DISP2: variants seen among roughly 807,000 people sequenced by gnomAD.
DISP2 encodes protein dispatched homolog 2.
A neutral mutation model predicts 95.5 loss-of-function variants in DISP2; 59 were observed. The observed-to-expected ratio is 0.62, with a 90% confidence interval of 0.50 to 0.77. DISP2 has a LOEUF of 0.77. DISP2 is among the 30% of genes least tolerant of loss of function. The pLI is 0.00. For missense variants in DISP2, 1,752 were observed against 1,854.6 expected (o/e 0.94, Z 1.02); for synonymous variants, 827 against 815.0 (o/e 1.01, Z -0.25).
chr15:40,366,839 C>G (rs1889503975), intron 7 of DISP2, among the ~76,000 whole-genome samples: 1 of 152,200 alleles, frequency 6.6e-6, no homozygotes, highest in African/African-American at 2.4e-5. Context: ...TGGGCAGCAT[C>G]CCTGAGGCTC....
In DISP2 at chr15:40,373,418, T is replaced by C. The variant is rs1332584648; in HGVS notation, c.*3100T>C. On this transcript the variant is annotated 3_prime_UTR_variant, in exon 8 of 8. Transcript: ENST00000267889. ...ATCCTGTATGCTATTAAAATATAAC[T>C]TGAGGCCGGACATGATGGCTCATGC... 1 of 152,206 alleles carries C rather than the reference T, an allele frequency of 6.6e-6. No individual in the cohort carries two copies. The highest frequency in any genetic ancestry group is 1.9e-4 in the East Asian group (1 of 5,208). The allele number at this position is 152,206 out of a possible 1,614,324, so 9.4% of individuals were successfully genotyped here. A position where few individuals can be genotyped will look rare whatever the true frequency, so the allele number is the denominator to read the frequency against.
Position 40,364,853 on chromosome 15 carries a change from GAC to G in DISP2, c.623_624del (p.Thr208ArgfsTer29). 6.2e-7 allele frequency: 1 copy of G among 1,614,096 alleles called. No individual in the cohort carries two copies. Among genetic ancestry groups the G allele is most frequent in the Non-Finnish European group, 8.5e-7 (1 of 1,179,988 alleles). On this transcript the variant is annotated frameshift_variant, in exon 5 of 8. Transcript: ENST00000267889. LOFTEE classifies it high-confidence loss of function. Reference sequence around the variant, plus strand: ...CTCCCTGCAGGGCTTTGAGCCACGGGACACAGACATTGGGAGCAAGTTAGTGG... The same window carrying G: ...CTCCCTGCAGGGCTTTGAGCCACGGGACAGACATTGGGAGCAAGTTAGTGG... ...SKPLLGFEPR[D>X]TDIGSKLVVW...
Position 40,369,029 on chromosome 15 carries a change from G to C in DISP2, c.2917G>C (p.Ala973Pro). Residue 973 changes from alanine to proline, a missense_variant, in exon 8 of 8, where the codon GCG (alanine) becomes CCG (proline). By Grantham distance (27) the Ala-to-Pro change is conservative. Transcript: ENST00000267889. ...EPAVVLGLAL[A>P]LAFATLLLGT... Reference sequence around the variant, plus strand: ...TGCTGTGGTGCTGGGCCTGGCTTTGGCGCTGGCCTTTGCCACACTGCTCCT... The same window carrying C: ...TGCTGTGGTGCTGGGCCTGGCTTTGCCGCTGGCCTTTGCCACACTGCTCCT... The C allele has an allele frequency of 6.2e-7, 1 of 1,614,018 alleles. No homozygotes were observed.
Position 40,369,044 on chromosome 15 carries a change from A to G in DISP2, c.2932A>G (p.Thr978Ala). Reference protein sequence around the residue: ...LGLALALAFATLLLGTWNVPL... With the variant: ...LGLALALAFAALLLGTWNVPL... Reference sequence around the variant, plus strand: ...CCTGGCTTTGGCGCTGGCCTTTGCCACACTGCTCCTGGGCACCTGGAATGT... The same window carrying G: ...CCTGGCTTTGGCGCTGGCCTTTGCCGCACTGCTCCTGGGCACCTGGAATGT... Residue 978 changes from threonine (T) to alanine (A), a missense_variant, in exon 8 of 8, where the codon ACA (threonine) becomes GCA (alanine). Physicochemically the swap from Thr to Ala is moderately conservative, Grantham distance 58. This residue lies in a region of DISP2 where 317 missense variants were observed against 394.9 expected (regional missense o/e 0.80). Coordinates refer to ENST00000267889, the MANE Select transcript of DISP2 (RefSeq NM_033510.3). 6.2e-7 allele frequency: 1 copy of G among 1,614,012 alleles called. No homozygotes were observed. The highest frequency in any genetic ancestry group is 2.2e-5 in the East Asian group (1 of 44,872).
rs1272338996 is a variant in DISP2, at chr15:40,370,237, G to A, written c.4125G>A (p.Val1375=). ...GRGGPGDGSP[V]VLPNSQPDLP... ...GGGGGCCAGGGGATGGCAGCCCTGT[G>A]GTGCTGCCCAATAGCCAGCCAGACC... The change falls in exon 8 of 8, where the codon GTG becomes GTA. Residue 1375 remains valine, a synonymous_variant. Transcript: ENST00000267889. 1 of 1,595,780 alleles carries A rather than the reference G, an allele frequency of 6.3e-7. No individual in the cohort carries two copies. Among genetic ancestry groups the A allele is most frequent in the East Asian group, 2.2e-5 (1 of 44,792 alleles).
Position 40,368,887 on chromosome 15 carries a change from T to C in DISP2, c.2775T>C (p.Asn925=). 6.2e-7 allele frequency: 1 copy of C among 1,613,998 alleles called. No individual in the cohort carries two copies. Among genetic ancestry groups the C allele is most frequent in the Non-Finnish European group, 8.5e-7 (1 of 1,180,046 alleles). ...PDYNQTQLFY[N]EVSHWLAAEL... ...ACAACCAGACCCAGCTCTTCTACAATGAGGTCAGCCACTGGCTGGCAGCGG... is the reference window on the plus strand; with the variant it reads ...ACAACCAGACCCAGCTCTTCTACAACGAGGTCAGCCACTGGCTGGCAGCGG... Residue 925 remains asparagine (N), a synonymous_variant, in exon 8 of 8, where the codon AAT becomes AAC. Transcript: ENST00000267889.
At chr15:40,364,754 G>A in intron 4 of DISP2, 84 bp from the exon 5 acceptor site, 3 of 1,441,014 alleles carry the variant, frequency 2.1e-6, no homozygotes, top group South Asian at 1.3e-5. Context: ...CTGCTCTGAG[G>A]AGTCAAAGGG....
At position 40,368,890 on chromosome 15, in the gene DISP2, G is replaced by C. The variant is rs1889573926; in HGVS notation, c.2778G>C (p.Glu926Asp). Residue 926 changes from glutamate to aspartate, a missense_variant, in exon 8 of 8, where the codon GAG (glutamate) becomes GAC (aspartate). Coordinates refer to ENST00000267889, the MANE Select transcript of DISP2 (RefSeq NM_033510.3). Reference protein sequence around the residue: ...DYNQTQLFYNEVSHWLAAELG... With the variant: ...DYNQTQLFYNDVSHWLAAELG... ...ACCAGACCCAGCTCTTCTACAATGAGGTCAGCCACTGGCTGGCAGCGGAGC... is the reference window on the plus strand; with the variant it reads ...ACCAGACCCAGCTCTTCTACAATGACGTCAGCCACTGGCTGGCAGCGGAGC... The C allele has an allele frequency of 3.1e-6, 5 of 1,614,024 alleles. No individual in the cohort carries two copies. The Admixed American group carries it at 8.3e-5, about 27-fold the overall frequency.
Position 40,364,234 on chromosome 15 carries a change from G to C in DISP2, c.458G>C (p.Arg153Pro). ...TTTCTTCTCTTCCACAGGCAGGAACGAGCCTTCCAGATGCCAAAGAGGTAG... is the reference window on the plus strand; with the variant it reads ...TTTCTTCTCTTCCACAGGCAGGAACCAGCCTTCCAGATGCCAAAGAGGTAG... ...QHHVVSVRQERAFQMPKSYSQ... is the reference protein window; with the variant it reads ...QHHVVSVRQEPAFQMPKSYSQ... The change falls in exon 3 of 8, where the codon CGA becomes CCA. Residue 153 changes from arginine (R) to proline (P), a missense_variant. By Grantham distance (103) the Arg-to-Pro change is moderately radical. Coordinates refer to ENST00000267889, the MANE Select transcript of DISP2 (RefSeq NM_033510.3). 1 of 1,614,064 alleles carries C rather than the reference G, an allele frequency of 6.2e-7. No homozygotes were observed. Among genetic ancestry groups the C allele is most frequent in the Non-Finnish European group, 8.5e-7 (1 of 1,180,024 alleles).
In DISP2 at chr15:40,369,564, C is replaced by T. The variant is rs1889595510; in HGVS notation, c.3452C>T (p.Ser1151Leu). 1.2e-6 allele frequency: 2 copies of T among 1,612,314 alleles called. No homozygotes were observed. Residue 1151 changes from serine to leucine, a missense_variant, in exon 8 of 8, where the codon TCA becomes TTA. By Grantham distance (145) the Ser-to-Leu change is moderately radical. Transcript: ENST00000267889. ...GEKAGRPRPG[S>L]VGGMPGSCSE... ...AAGGCAGGCCGCCCACGACCAGGGTCAGTGGGAGGGATGCCCGGGTCCTGC... is the reference window on the plus strand; with the variant it reads ...AAGGCAGGCCGCCCACGACCAGGGTTAGTGGGAGGGATGCCCGGGTCCTGC...
At chr15:40,362,926 A>C (rs1036356035) in intron 1 of DISP2, among the ~76,000 whole-genome samples, 1 of 152,214 alleles carries the variant, frequency 6.6e-6, no homozygotes, top group African/African-American at 2.4e-5. Context: ...ACTGGGTTTG[A>C]GTACCAGCTC....
At chr15:40,359,389 T>A (rs1296444093) in intron 1 of DISP2, among the ~76,000 whole-genome samples, 1 of 152,238 alleles carries the variant, frequency 6.6e-6, no homozygotes, top group African/African-American at 2.4e-5. Flanking sequence ...AGAGAAATGC[T>A]TTCTTCCCTT....
intron 1 of DISP2, among the ~76,000 whole-genome samples, chr15:40,359,351 C>G (rs1480599287): frequency 6.6e-6 from 1 of 152,186 alleles, no homozygotes; most frequent in African/African-American, 2.4e-5. Context: ...ATTCTGTACC[C>G]CAGAGGGGGA....
At chr15:40,362,217 T>A (rs1196813134) in intron 1 of DISP2, among the ~76,000 whole-genome samples, 2 of 152,240 alleles carry the variant, frequency 1.3e-5, no homozygotes, top group African/African-American at 4.8e-5. Context: ...CCGTGCTCCA[T>A]GGCCCATGAC....
In DISP2 at chr15:40,374,434, C is replaced by T. The variant is rs1221601025; in HGVS notation, c.*4116C>T. ...CATGAGCCACCGCGCCTGGCCGAGACAATTTTTAAAAAGACATTTCTCAAG... is the reference window on the plus strand; with the variant it reads ...CATGAGCCACCGCGCCTGGCCGAGATAATTTTTAAAAAGACATTTCTCAAG... On this transcript the variant is annotated 3_prime_UTR_variant, in exon 8 of 8. Coordinates refer to ENST00000267889, the MANE Select transcript of DISP2 (RefSeq NM_033510.3). 1 of 149,040 alleles carries T rather than the reference C, an allele frequency of 6.7e-6. No individual in the cohort carries two copies. The highest frequency in any genetic ancestry group is 1.5e-5 in the Non-Finnish European group (1 of 67,144). 9.2% of individuals were successfully genotyped at this position (149,040 alleles called of 1,614,324 possible).
In DISP2 at chr15:40,369,282, G is replaced by A. The variant is rs753354746; in HGVS notation, c.3170G>A (p.Arg1057His). The stretch of plus-strand genomic sequence containing the variant: ...CTGAGCCGTGTGGCCTTCTCTCTGC[G>A]CCAGACCAGCTGCGCCACAGCCGTG... ...DRLSRVAFSL[R>H]QTSCATAVGA... is the part of the protein sequence containing the mutation. Residue 1057 changes from arginine to histidine, a missense_variant, in exon 8 of 8, where the codon CGC (arginine) becomes CAC (histidine). Transcript: ENST00000267889. 34 of 1,613,496 alleles carry A rather than the reference G, an allele frequency of 2.1e-5. No individual in the cohort carries two copies. The highest frequency in any genetic ancestry group is 1.6e-4 in the Middle Eastern group (1 of 6,084).
At chr15:40,364,345 C>T in intron 3 of DISP2, 76 bp from the exon 4 acceptor site, 1 of 1,613,510 alleles carries the variant, frequency 6.2e-7, no homozygotes, top group Non-Finnish European at 8.5e-7. Context: ...TATCTAGCAC[C>T]CCTTCTGGGT....
intron 7 of DISP2, among the ~76,000 whole-genome samples, chr15:40,366,402 A>G (rs1392113549): frequency 6.6e-6 from 1 of 152,264 alleles, no homozygotes; most frequent in Non-Finnish European, 1.5e-5. Flanking sequence ...TTGAAAAAAT[A>G]CAGCATAATG....
intron 1 of DISP2, 107 bp downstream of exon 1, chr15:40,358,547 C>T (rs1292937194): frequency 2.0e-5 from 17 of 864,568 alleles, no homozygotes; most frequent in Non-Finnish European, 2.4e-5. Context: ...TCCCCAGACC[C>T]TCCCGGAGCC....
Sources: allele counts gnomAD v4.1 joint callset (sites outside exome capture counted in the v4.1 genomes callset), GRCh38; gene constraint gnomAD v4.1.1; regional missense constraint gnomAD v4.1.1; transcripts MANE v1.5; gene names NCBI Gene and HGNC (gene_info 2026-07-23, HGNC 2026-07-21).